RB1: variants seen among roughly 807,000 people sequenced by gnomAD.
RB1 encodes RB transcriptional corepressor 1, also known as retinoblastoma-associated protein.
Under a neutral mutation model 135.4 loss-of-function variants are expected in RB1, and 18 were observed. That is an observed-to-expected ratio of 0.13 (90% CI 0.09 to 0.20). The LOEUF (loss-of-function observed/expected upper bound fraction) is 0.20, where lower values mean the gene tolerates loss of function less well. Ranked by LOEUF, RB1 falls within the 10% of genes least tolerant of loss-of-function variation. RB1 has a pLI of 1.00. For missense variants in RB1, 868 were observed against 1,110.0 expected, an observed-to-expected ratio of 0.78 and a Z score of 3.10; for synonymous variants, 365 against 373.2, an observed-to-expected ratio of 0.98 and a Z score of 0.25.
intron 6 of RB1, among the ~76,000 whole-genome samples, chr13:48,350,099 G>C (rs572162885): frequency 2.6e-5 from 4 of 152,192 alleles, no homozygotes; most frequent in Admixed American, 1.3e-4. Flanking sequence ...AATAGCTGGA[G>C]ACTTCAACAC....
At chr13:48,437,040 C>A (rs1019977132) in intron 17 of RB1, among the ~76,000 whole-genome samples, 8 of 152,154 alleles carry the variant, frequency 5.3e-5, no homozygotes, top group Admixed American at 2.0e-4. Context: ...TAGACAAGTT[C>A]ATGCTTGCCT....
rs1286994777 is a variant in RB1, at chr13:48,307,861, CA to C, written c.264+468del. Among the ~76,000 whole-genome samples the C allele has an allele frequency of 4.9e-3, 659 of 135,102 alleles. 6 individuals are homozygous for C. Among genetic ancestry groups the C allele is most frequent in the African/African-American group, 0.012 (436 of 36,830 alleles). The allele number at this position is 135,102 out of a possible 152,430, so 88.6% of individuals were successfully genotyped here. On this transcript the variant is annotated intron_variant, in intron 2 of 26. Coordinates refer to ENST00000267163, the MANE Select transcript of RB1 (RefSeq NM_000321.3). ...CTGGCAACAGAGCGAGAGTCTGTCTCAAAAAAAAAAAAAGTTTGAAAAAAAT... is the reference window on the plus strand; with the variant it reads ...CTGGCAACAGAGCGAGAGTCTGTCTCAAAAAAAAAAAAGTTTGAAAAAAAT...
intron 2 of RB1, chr13:48,332,914 A>T: frequency 2.5e-6 from 1 of 396,706 alleles, no homozygotes; most frequent in Non-Finnish European, 4.4e-6. Flanking sequence ...TTTGTAAATT[A>T]GCCACAGTAA....
intron 2 of RB1, among the ~76,000 whole-genome samples, chr13:48,309,038 A>G (rs570493464): frequency 6.6e-6 from 1 of 152,242 alleles, no homozygotes; most frequent in South Asian, 2.1e-4. Context: ...GGTTTTTTCC[A>G]ACTTTTTGAT....
chr13:48,445,851 G>A (rs997323055), intron 17 of RB1, among the ~76,000 whole-genome samples: 1 of 152,192 alleles, frequency 6.6e-6, no homozygotes, highest in South Asian at 2.1e-4. Context: ...AGGTATACAT[G>A]TACACGTATT....
intron 13 of RB1, among the ~76,000 whole-genome samples, chr13:48,377,572 G>A (rs189700354): frequency 3.4e-4 from 52 of 152,230 alleles, no homozygotes; most frequent in Admixed American, 2.9e-3. Flanking sequence ...GCTTTGTTGT[G>A]TGGCATTAAT....
chr13:48,459,033 A>G (rs74077624), intron 19 of RB1, among the ~76,000 whole-genome samples: 29 of 152,216 alleles, frequency 1.9e-4, no homozygotes, highest in African/African-American at 7.0e-4. Flanking sequence ...AGTGGGAATG[A>G]CCAGTGGTGA....
At chr13:48,416,740 C>G (rs1268107944) in intron 17 of RB1, among the ~76,000 whole-genome samples, 1 of 152,160 alleles carries the variant, frequency 6.6e-6, no homozygotes, top group East Asian at 1.9e-4. Context: ...GATGCTGGAG[C>G]TTGGTGGGAG....
At chr13:48,335,592 T>C (rs922361842) in intron 2 of RB1, among the ~76,000 whole-genome samples, 2 of 151,998 alleles carry the variant, frequency 1.3e-5, no homozygotes, top group African/African-American at 4.8e-5. Context: ...ATATGTTTGT[T>C]GAAAGTACCT....
chr13:48,376,158 G>A (rs1324386706), intron 12 of RB1, among the ~76,000 whole-genome samples: 1 of 152,042 alleles, frequency 6.6e-6, no homozygotes, highest in African/African-American at 2.4e-5. Context: ...TTCTGAAAAT[G>A]TAATCAAATG....
intron 17 of RB1, among the ~76,000 whole-genome samples, chr13:48,402,180 A>AT (rs1350490842): frequency 6.6e-6 from 1 of 151,960 alleles, no homozygotes; most frequent in African/African-American, 2.4e-5. Context: ...TGAAAATATA[A>AT]TTTTTTTGCA....
intron 1 of RB1, 113 bp downstream of exon 1, chr13:48,304,162 G>A: frequency 3.4e-6 from 4 of 1,161,690 alleles, no homozygotes; most frequent in Non-Finnish European, 4.4e-6. Context: ...CCGGGTCCCG[G>A]CGGGAGGAGG....
chr13:48,396,951 T>C, intron 17 of RB1, among the ~76,000 whole-genome samples: 1 of 152,146 alleles, frequency 6.6e-6, no homozygotes, highest in East Asian at 1.9e-4. Context: ...TGAGATACCA[T>C]CTCATGCCAG....
intron 2 of RB1, among the ~76,000 whole-genome samples, chr13:48,313,745 C>CTTTTTTTTTTTTTTT (rs56131979): frequency 4.7e-4 from 48 of 101,956 alleles, no homozygotes; most frequent in East Asian, 9.4e-4. Context: ...TATGTTTATT[C>CTTTTTTTTTTTTTTT]TTTTTTTTTT....
chr13:48,359,339 C>A (rs1952618336), intron 6 of RB1, among the ~76,000 whole-genome samples: 1 of 150,646 alleles, frequency 6.6e-6, no homozygotes, highest in Admixed American at 6.6e-5. Context: ...ATTTTGTTAT[C>A]TCTTAATGGT....
chr13:48,476,492 A>C, intron 24 of RB1: 1 of 518,808 alleles, frequency 1.9e-6, no homozygotes, highest in Non-Finnish European at 3.5e-6. Flanking sequence ...GGATTTACAA[A>C]GAGTGGGTGT....
At chr13:48,446,006 A>G (rs573699712) in intron 17 of RB1, among the ~76,000 whole-genome samples, 29 of 152,182 alleles carry the variant, frequency 1.9e-4, no homozygotes, top group Non-Finnish European at 4.0e-4. Context: ...CACCCAGACT[A>G]GAGTACAGTG....
At chr13:48,320,450 C>G (rs1427332344) in intron 2 of RB1, 3 of 917,868 alleles carry the variant, frequency 3.3e-6, no homozygotes, top group South Asian at 1.4e-5. Flanking sequence ...GGAGCAACCC[C>G]TGGAGTAGCG....
intron 6 of RB1, 61 bp downstream of exon 6, chr13:48,349,084 C>T (rs2138094001): frequency 6.6e-7 from 1 of 1,514,624 alleles, no homozygotes; most frequent in African/African-American, 1.4e-5. Context: ...ATTGGCATTC[C>T]TTTGGACTAA....
Sources: allele counts gnomAD v4.1 joint callset (sites outside exome capture counted in the v4.1 genomes callset), GRCh38; gene constraint gnomAD v4.1.1; transcripts MANE v1.5; gene names NCBI Gene and HGNC (gene_info 2026-07-23, HGNC 2026-07-21).